BLTP2: variants seen among roughly 807,000 people sequenced by gnomAD.
BLTP2 encodes U937-associated antigen.
chr17:28,638,533 T>C, the BLTP2 span: 1,027 of 1,609,168 alleles, frequency 6.4e-4, 15 homozygotes, highest in South Asian at 8.6e-3. Context: ...CCCAGAGAGA[T>C]AGAATTGAAT....
At chr17:28,618,926 C>T in the BLTP2 span, 3 of 1,614,142 alleles carry the variant, frequency 1.9e-6, no homozygotes, top group South Asian at 2.2e-5. Flanking sequence ...GCTGCTTTCG[C>T]AGCTCCATCT....
At chr17:28,621,210 C>G in the BLTP2 span, 2 of 1,595,196 alleles carry the variant, frequency 1.3e-6, no homozygotes, top group Non-Finnish European at 1.7e-6. Context: ...AAGACATTCT[C>G]AATAAAGATA....
chr17:28,636,999 G>C, the BLTP2 span: 19 of 1,614,058 alleles, frequency 1.2e-5, no homozygotes, highest in African/African-American at 1.3e-5. Flanking sequence ...ATAGGTGATG[G>C]AGAGCATGGA....
the BLTP2 span, among the ~76,000 whole-genome samples, chr17:28,626,479 C>T: frequency 6.6e-6 from 1 of 152,186 alleles, no homozygotes; most frequent in Non-Finnish European, 1.5e-5. Flanking sequence ...TGACTAGTTG[C>T]TGGCAGCCCC....
At chr17:28,621,351 T>G in the BLTP2 span, 1 of 1,520,274 alleles carries the variant, frequency 6.6e-7, no homozygotes, top group Non-Finnish European at 9.1e-7. Flanking sequence ...CCCTTTGGGA[T>G]GCACATCTGC....
the BLTP2 span, chr17:28,620,102 G>C: frequency 4.0e-6 from 5 of 1,251,290 alleles, no homozygotes; most frequent in Non-Finnish European, 2.2e-6. Flanking sequence ...AAAGAAATGG[G>C]GGGGGTCTCT....
the BLTP2 span, among the ~76,000 whole-genome samples, chr17:28,629,111 T>C: frequency 6.6e-6 from 1 of 152,116 alleles, no homozygotes; most frequent in African/African-American, 2.4e-5. Flanking sequence ...TGGAGTCTAT[T>C]TTGTCCAGAC....
At chr17:28,632,032 G>A in the BLTP2 span, 21 of 1,609,616 alleles carry the variant, frequency 1.3e-5, no homozygotes, top group African/African-American at 2.8e-4. Flanking sequence ...ATGTCAGCAG[G>A]GACATCAGTG....
chr17:28,636,862 A>G, the BLTP2 span: 2 of 935,850 alleles, frequency 2.1e-6, no homozygotes, highest in African/African-American at 1.7e-5. Flanking sequence ...AACATGTGAC[A>G]CTCTGTTTTG....
chr17:28,623,311 C>A, the BLTP2 span, among the ~76,000 whole-genome samples: 1 of 152,204 alleles, frequency 6.6e-6, no homozygotes, highest in Non-Finnish European at 1.5e-5. Flanking sequence ...GGAAAGCTAT[C>A]ATTAGAAATC....
the BLTP2 span, chr17:28,635,102 G>C: frequency 1.2e-6 from 2 of 1,611,910 alleles, no homozygotes; most frequent in Non-Finnish European, 1.7e-6. Context: ...TACTGATAAG[G>C]AAACTCCACC....
At chr17:28,644,200 T>G in the BLTP2 span, 1 of 1,611,972 alleles carries the variant, frequency 6.2e-7, no homozygotes, top group East Asian at 2.2e-5. Flanking sequence ...GCAGAAAAAT[T>G]CCTGTTAATT....
At chr17:28,642,230 C>T in the BLTP2 span, 44 of 1,604,622 alleles carry the variant, frequency 2.7e-5, no homozygotes, top group African/African-American at 2.3e-4. Context: ...TCACACTTTA[C>T]GCCCAGGAGG....
the BLTP2 span, chr17:28,634,099 G>A: frequency 6.2e-7 from 1 of 1,612,996 alleles, no homozygotes; most frequent in East Asian, 2.2e-5. Flanking sequence ...GTTACCAGAG[G>A]AAGGGTACAC....
the BLTP2 span, chr17:28,632,293 G>T: frequency 2.0e-6 from 3 of 1,479,578 alleles, no homozygotes; most frequent in South Asian, 3.8e-5. Flanking sequence ...CAGAGGTAAA[G>T]CTAAATCCTT....
chr17:28,631,913 A>C, the BLTP2 span: 1 of 1,614,064 alleles, frequency 6.2e-7, no homozygotes, highest in East Asian at 2.2e-5. Flanking sequence ...GAGGCCCAAT[A>C]ATGTACCTGG....
the BLTP2 span, chr17:28,635,913 G>A: frequency 1.9e-5 from 5 of 260,422 alleles, no homozygotes; most frequent in Non-Finnish European, 3.6e-5. Flanking sequence ...AGTATACTCA[G>A]TATAGACAGC....
chr17:28,632,766 G>A, the BLTP2 span, among the ~76,000 whole-genome samples: 9 of 151,938 alleles, frequency 5.9e-5, no homozygotes, highest in African/African-American at 2.2e-4. Context: ...CAGCCAAAAA[G>A]GACTAAGACA....
chr17:28,636,903 A>T, the BLTP2 span: 5 of 1,266,798 alleles, frequency 3.9e-6, no homozygotes, highest in South Asian at 2.6e-5. Flanking sequence ...AAAAAAAGAC[A>T]GAGAAAGGCT....
Sources: gnomAD v4.1 joint callset for allele counts (sites outside exome capture counted in the v4.1 genomes callset) on GRCh38, gnomAD v4.1.1 for gene constraint, MANE v1.5 for transcripts, NCBI Gene and HGNC (gene_info 2026-07-23, HGNC 2026-07-21) for gene names.